Variants in CNTNAP2 observed in about 807,000 individuals in gnomAD.
The protein encoded by CNTNAP2 is contactin-associated protein-like 2.
A neutral mutation model predicts 155.2 loss-of-function variants in CNTNAP2; 98 were observed. The ratio of observed to expected loss-of-function variants is 0.63; its 90% CI spans 0.54 to 0.75. The LOEUF (loss-of-function observed/expected upper bound fraction) is 0.75. CNTNAP2 is among the 30% of genes least tolerant of loss of function. CNTNAP2 has a pLI of 0.00. For synonymous variants in CNTNAP2, 651 were observed against 631.2 expected, an observed-to-expected ratio of 1.03 and a Z score of -0.47; for missense variants, 1,727 against 1,688.1, an observed-to-expected ratio of 1.02 and a Z score of -0.40.
intron 1 of CNTNAP2, among the ~76,000 whole-genome samples, chr7:146,546,988 T>G (rs1045982069): frequency 6.6e-6 from 1 of 151,932 alleles, no homozygotes; most frequent in Non-Finnish European, 1.5e-5. Context: ...TGTTGATGTA[T>G]CCACCTGAAG....
chr7:146,989,860 A>G (rs935280839), intron 3 of CNTNAP2, among the ~76,000 whole-genome samples: 2 of 152,086 alleles, frequency 1.3e-5, no homozygotes, highest in African/African-American at 4.8e-5. Flanking sequence ...CTGTCTAAAT[A>G]ATATAGGTGT....
intron 15 of CNTNAP2, among the ~76,000 whole-genome samples, chr7:148,006,136 T>C (rs990509883): frequency 1.3e-5 from 2 of 151,846 alleles, no homozygotes; most frequent in African/African-American, 4.8e-5. Context: ...TAAGTCATAC[T>C]CTATGAGCCC....
chr7:146,912,461 CTA>C (rs1246026484), intron 3 of CNTNAP2, among the ~76,000 whole-genome samples: 2 of 152,000 alleles, frequency 1.3e-5, no homozygotes, highest in Non-Finnish European at 2.9e-5. Context: ...GTGGGAAATG[CTA>C]TGTTAGCTCT....
chr7:147,462,795 T>C (rs1274147700), intron 10 of CNTNAP2, among the ~76,000 whole-genome samples: 3 of 152,170 alleles, frequency 2.0e-5, no homozygotes, highest in Admixed American at 6.5e-5. Flanking sequence ...GTTGGTTTTT[T>C]TGAGATGGAG....
At chr7:146,641,628 G>A (rs1031900532) in intron 1 of CNTNAP2, among the ~76,000 whole-genome samples, 1 of 152,202 alleles carries the variant, frequency 6.6e-6, no homozygotes, top group African/African-American at 2.4e-5. Flanking sequence ...ATGGAAGGCA[G>A]GTGCTGGTGT....
chr7:146,956,628 G>A (rs1403599531), intron 3 of CNTNAP2, among the ~76,000 whole-genome samples: 1 of 152,254 alleles, frequency 6.6e-6, no homozygotes. Flanking sequence ...AATACTTAAT[G>A]TATTTCCTAC....
chr7:147,897,255 A>G (rs1289937620), intron 13 of CNTNAP2, among the ~76,000 whole-genome samples: 1 of 152,242 alleles, frequency 6.6e-6, no homozygotes, highest in Non-Finnish European at 1.5e-5. Flanking sequence ...TGCAATGAAA[A>G]TGAAACACAG....
chr7:148,301,301 A>AT (rs1563032493), intron 21 of CNTNAP2, among the ~76,000 whole-genome samples: 7 of 54,562 alleles, frequency 1.3e-4, no homozygotes, highest in South Asian at 1.0e-3. Context: ...CTAAAAAAAA[A>AT]AAAAAATATA....
At chr7:147,752,861 A>C (rs554269184) in intron 13 of CNTNAP2, among the ~76,000 whole-genome samples, 1 of 152,336 alleles carries the variant, frequency 6.6e-6, no homozygotes, top group East Asian at 1.9e-4. Context: ...TGTCATGGAA[A>C]ACAGTCAGAG....
At chr7:147,330,210 C>G (rs574512927) in intron 9 of CNTNAP2, among the ~76,000 whole-genome samples, 126 of 152,190 alleles carry the variant, frequency 8.3e-4, no homozygotes, top group African/African-American at 2.1e-3. Flanking sequence ...TCCTGAATGA[C>G]AAGAGTTGAT....
chr7:146,774,229 C>T (rs764536218), intron 1 of CNTNAP2, 42 bp from the exon 2 acceptor site: 26 of 1,413,384 alleles, frequency 1.8e-5, no homozygotes, highest in Middle Eastern at 1.7e-4. Context: ...ATTTCGAAAT[C>T]GTTGTTGAGT....
intron 1 of CNTNAP2, among the ~76,000 whole-genome samples, chr7:146,154,291 C>T (rs926030296): frequency 6.6e-6 from 1 of 152,086 alleles, no homozygotes; most frequent in African/African-American, 2.4e-5. Context: ...CCCCCAACTC[C>T]AATTTTATTT....
intron 13 of CNTNAP2, among the ~76,000 whole-genome samples, chr7:147,826,045 C>G (rs1339009461): frequency 6.6e-6 from 1 of 152,084 alleles, no homozygotes; most frequent in South Asian, 2.1e-4. Flanking sequence ...TTACATCAGG[C>G]TAAGGAGTTG....
At chr7:146,935,761 T>A (rs1269831747) in intron 3 of CNTNAP2, among the ~76,000 whole-genome samples, 1 of 152,170 alleles carries the variant, frequency 6.6e-6, no homozygotes, top group African/African-American at 2.4e-5. Flanking sequence ...CATTGGGTAT[T>A]ACAGACACTC....
At chr7:147,370,194 CATG>C in intron 9 of CNTNAP2, among the ~76,000 whole-genome samples, 1 of 152,302 alleles carries the variant, frequency 6.6e-6, no homozygotes, top group East Asian at 1.9e-4. Context: ...TAGTCATATG[CATG>C]ATTATATTTG....
intron 13 of CNTNAP2, among the ~76,000 whole-genome samples, chr7:147,688,733 A>C (rs1485941991): frequency 6.6e-6 from 1 of 151,888 alleles, no homozygotes; most frequent in Non-Finnish European, 1.5e-5. Flanking sequence ...CTGTGGTTAT[A>C]CTATGCTGCA....
chr7:148,366,517 C>A (rs919338476), intron 21 of CNTNAP2, among the ~76,000 whole-genome samples: 7 of 152,286 alleles, frequency 4.6e-5, no homozygotes, highest in Non-Finnish European at 8.8e-5. Flanking sequence ...TTATTTCACT[C>A]TTTCTATAAA....
intron 10 of CNTNAP2, among the ~76,000 whole-genome samples, chr7:147,463,958 T>TAAAA (rs34032978): frequency 0.11 from 9,424 of 82,496 alleles, 784 homozygotes; most frequent in East Asian, 0.25. Flanking sequence ...GCCCCACTAC[T>TAAAA]AAAAAAAAAA....
At chr7:147,192,398 T>A (rs1299443129) in intron 8 of CNTNAP2, among the ~76,000 whole-genome samples, 1 of 152,128 alleles carries the variant, frequency 6.6e-6, no homozygotes, top group Non-Finnish European at 1.5e-5. Flanking sequence ...ACCCTCTTTC[T>A]CCTAAAAGTT....
Sources: allele counts gnomAD v4.1 joint callset (sites outside exome capture counted in the v4.1 genomes callset), GRCh38; gene constraint gnomAD v4.1.1; transcripts MANE v1.5; gene names NCBI Gene and HGNC (gene_info 2026-07-23, HGNC 2026-07-21).